The following CCDC171 variants were observed in gnomAD, a reference collection of about 807,000 sequenced individuals.
The protein encoded by CCDC171 is coiled-coil domain containing 171, also known as coiled-coil domain-containing protein 171.
In CCDC171, 177 loss-of-function variants were observed where a neutral mutation model predicts 168.2. The ratio of observed to expected loss-of-function variants is 1.05; its 90% CI spans 0.93 to 1.19. The LOEUF (loss-of-function observed/expected upper bound fraction) is 1.19. Ranked by LOEUF, CCDC171 falls within the 50% of genes most tolerant of loss-of-function variation. CCDC171 has a pLI of 0.00. For missense variants in CCDC171, 1,991 were observed against 1,539.0 expected (o/e 1.29, Z -4.91); for synonymous variants, 687 against 540.8 (o/e 1.27, Z -3.75).
chr9:15,967,861 A>G (rs1488643848), intron 25 of CCDC171, among the ~76,000 whole-genome samples: 1 of 152,254 alleles, frequency 6.6e-6, no homozygotes, highest in African/African-American at 2.4e-5. Flanking sequence ...AATGTTACAC[A>G]GGAGACAAAT....
At chr9:15,766,874 C>G (rs1054108817) in intron 18 of CCDC171, among the ~76,000 whole-genome samples, 3 of 152,104 alleles carry the variant, frequency 2.0e-5, no homozygotes, top group Admixed American at 6.6e-5. Flanking sequence ...GTTGTCCAGA[C>G]TAGTCTCAAA....
chr9:15,683,597 A>T (rs1020658641), intron 10 of CCDC171, among the ~76,000 whole-genome samples: 9 of 152,062 alleles, frequency 5.9e-5, no homozygotes, highest in African/African-American at 2.2e-4. Context: ...TCTAGTAAAT[A>T]ATATTCATCG....
chr9:15,963,440 C>T (rs1053717102), intron 25 of CCDC171, among the ~76,000 whole-genome samples: 1 of 152,076 alleles, frequency 6.6e-6, no homozygotes, highest in Non-Finnish European at 1.5e-5. Context: ...TTGAGTGTAG[C>T]CATAGAAGAA....
intron 11 of CCDC171, among the ~76,000 whole-genome samples, chr9:15,715,985 A>G (rs1216852473): frequency 6.6e-6 from 1 of 152,226 alleles, no homozygotes; most frequent in Non-Finnish European, 1.5e-5. Flanking sequence ...AACCTACTTA[A>G]AAGTGAGAGG....
At chr9:15,799,013 T>C (rs1371247282) in intron 21 of CCDC171, among the ~76,000 whole-genome samples, 3 of 151,470 alleles carry the variant, frequency 2.0e-5, no homozygotes, top group East Asian at 3.9e-4. Context: ...GTTGTTGTCA[T>C]AGATTTCAAT....
intron 16 of CCDC171, among the ~76,000 whole-genome samples, chr9:15,730,868 G>T (rs2054107992): frequency 6.6e-6 from 1 of 151,876 alleles, no homozygotes; most frequent in African/African-American, 2.4e-5. Flanking sequence ...TTTTAATTTT[G>T]TAGAGGTAGC....
chr9:15,860,997 T>C (rs2061534651), intron 23 of CCDC171, among the ~76,000 whole-genome samples: 1 of 149,904 alleles, frequency 6.7e-6, no homozygotes, highest in Non-Finnish European at 1.5e-5. Flanking sequence ...TCCTGGAGAC[T>C]GCACTCTTAT....
intron 6 of CCDC171, among the ~76,000 whole-genome samples, chr9:15,617,498 T>A (rs1321979441): frequency 6.6e-6 from 1 of 151,538 alleles, no homozygotes; most frequent in Admixed American, 6.6e-5. Flanking sequence ...TGCCTCAGCC[T>A]CCCAAGTAGC....
intron 18 of CCDC171, among the ~76,000 whole-genome samples, chr9:15,752,002 T>G (rs1436139907): frequency 6.6e-6 from 1 of 152,156 alleles, no homozygotes; most frequent in African/African-American, 2.4e-5. Flanking sequence ...ATTTTTGCAA[T>G]TTATCCATCT....
intron 3 of CCDC171, among the ~76,000 whole-genome samples, chr9:16,006,715 AATG>A (rs949909545): frequency 2.0e-4 from 30 of 152,142 alleles, no homozygotes; most frequent in African/African-American, 7.0e-4. Context: ...GTTTGCTGAG[AATG>A]ATGGTTTCCA....
At chr9:15,760,409 G>A (rs911726708) in intron 18 of CCDC171, among the ~76,000 whole-genome samples, 2 of 152,194 alleles carry the variant, frequency 1.3e-5, no homozygotes, top group East Asian at 1.9e-4. Context: ...AAACGTGTTG[G>A]ATATACATTA....
chr9:15,781,787 G>A (rs113575509), intron 20 of CCDC171, among the ~76,000 whole-genome samples: 56 of 152,258 alleles, frequency 3.7e-4, no homozygotes, highest in Middle Eastern at 3.4e-3. Context: ...TTTAGTGATC[G>A]TGTTGACCAG....
At chr9:16,058,506 C>A (rs1221614425) in intron 1 of CCDC171, among the ~76,000 whole-genome samples, 1 of 152,174 alleles carries the variant, frequency 6.6e-6, no homozygotes, top group Non-Finnish European at 1.5e-5. Context: ...GGGGCCTGTT[C>A]CTTTGCCTGG....
intron 6 of CCDC171, among the ~76,000 whole-genome samples, chr9:15,608,425 A>G (rs972889458): frequency 6.6e-6 from 1 of 152,186 alleles, no homozygotes; most frequent in African/African-American, 2.4e-5. Context: ...AAGTGGGTGT[A>G]ACAATTTCAA....
chr9:16,007,746 G>A (rs1832749283), intron 3 of CCDC171, among the ~76,000 whole-genome samples: 1 of 152,160 alleles, frequency 6.6e-6, no homozygotes, highest in Non-Finnish European at 1.5e-5. Context: ...GGTTGTAGAT[G>A]TGTGGTATTA....
intron 11 of CCDC171, among the ~76,000 whole-genome samples, chr9:15,706,850 A>G (rs2052281040): frequency 6.6e-6 from 1 of 152,224 alleles, no homozygotes; most frequent in Non-Finnish European, 1.5e-5. Context: ...GAAGGATCCC[A>G]GGAAATAAAA....
chr9:15,898,334 G>A (rs887117293), intron 24 of CCDC171, among the ~76,000 whole-genome samples: 1 of 152,154 alleles, frequency 6.6e-6, no homozygotes, highest in Non-Finnish European at 1.5e-5. Context: ...ATTGAGCTGA[G>A]TGCATATACC....
the CCDC171 span, among the ~76,000 whole-genome samples, chr9:16,074,037 G>A: frequency 1.3e-5 from 2 of 152,166 alleles, no homozygotes; most frequent in African/African-American, 4.8e-5. Context: ...TTGCTTGGAT[G>A]TGGGGTAGGT....
intron 8 of CCDC171, among the ~76,000 whole-genome samples, chr9:15,659,610 T>C (rs1325186271): frequency 1.3e-5 from 2 of 152,184 alleles, no homozygotes; most frequent in Non-Finnish European, 2.9e-5. Context: ...TGAACAAATG[T>C]AATAGACTGT....
Sources: gnomAD v4.1 joint callset for allele counts (sites outside exome capture counted in the v4.1 genomes callset) on GRCh38, gnomAD v4.1.1 for gene constraint, MANE v1.5 for transcripts, NCBI Gene and HGNC (gene_info 2026-07-23, HGNC 2026-07-21) for gene names.